The following CHRNA7 variants were observed in gnomAD, a reference collection of about 807,000 sequenced individuals.
The protein encoded by CHRNA7 is neuronal acetylcholine receptor subunit alpha-7.
Under a neutral mutation model 48.0 loss-of-function variants are expected in CHRNA7, and 17 were observed. The ratio of observed to expected loss-of-function variants is 0.35; its 90% CI spans 0.24 to 0.53. The LOEUF is 0.53. Among genes scored for constraint, CHRNA7 ranks in the 20% least tolerant of loss-of-function variants. The pLI is 0.92. For synonymous variants in CHRNA7, 75 were observed against 242.3 expected (o/e 0.31, Z 6.41); for missense variants, 155 against 577.7 (o/e 0.27, Z 7.50).
At chr15:32,152,539 C>T (rs2051652990) in intron 4 of CHRNA7, among the ~76,000 whole-genome samples, 1 of 152,176 alleles carries the variant, frequency 6.6e-6, no homozygotes, top group Non-Finnish European at 1.5e-5. Flanking sequence ...CAAGGGCCGT[C>T]CTTCATTGTG....
In CHRNA7 at chr15:32,094,837, T is replaced by C. The variant is rs542424175; in HGVS notation, c.196-6466T>C. 1.9e-3 allele frequency among the ~76,000 whole-genome samples: 294 copies of C among 152,302 alleles called. 1 individual carries two copies. The highest frequency in any genetic ancestry group is 0.012 in the South Asian group (59 of 4,820). ...CACCGCGCCTGGCTAATTTTTTGTATTTTTATTAGAGACGGGGTTTCACCA... is the reference window on the plus strand; with the variant it reads ...CACCGCGCCTGGCTAATTTTTTGTACTTTTATTAGAGACGGGGTTTCACCA... On this transcript the variant is annotated intron_variant, in intron 2 of 9. Coordinates refer to ENST00000306901, the MANE Select transcript of CHRNA7 (RefSeq NM_000746.6).
At chr15:32,041,905 T>C (rs2049456408) in intron 2 of CHRNA7, among the ~76,000 whole-genome samples, 1 of 152,220 alleles carries the variant, frequency 6.6e-6, no homozygotes, top group Admixed American at 6.5e-5. Flanking sequence ...TGTTCTTGCA[T>C]GATGTCTGCT....
chr15:32,083,932 C>G (rs533927943), intron 2 of CHRNA7, among the ~76,000 whole-genome samples: 2 of 152,210 alleles, frequency 1.3e-5, no homozygotes, highest in South Asian at 4.2e-4. Flanking sequence ...TATGAATGGT[C>G]TGTATTTGAT....
chr15:32,113,388 T>C (rs1306780250), intron 4 of CHRNA7, among the ~76,000 whole-genome samples: 3 of 152,196 alleles, frequency 2.0e-5, no homozygotes, highest in Non-Finnish European at 4.4e-5. Context: ...AGCCACACTC[T>C]GAGGCACCAG....
chr15:32,083,788 T>C (rs560759929), intron 2 of CHRNA7, among the ~76,000 whole-genome samples: 35 of 152,338 alleles, frequency 2.3e-4, no homozygotes, highest in African/African-American at 7.9e-4. Context: ...AACTATTTAA[T>C]CACTTAAATT....
At chr15:32,036,527 T>G (rs1902096265) in intron 2 of CHRNA7, among the ~76,000 whole-genome samples, 1 of 152,202 alleles carries the variant, frequency 6.6e-6, no homozygotes, top group Non-Finnish European at 1.5e-5. Flanking sequence ...CCAAAGTGGA[T>G]GTACCATTTT....
intron 2 of CHRNA7, among the ~76,000 whole-genome samples, chr15:32,044,253 C>CTCCTTCCTTCCTTCCT (rs10638387): frequency 0.27 from 37,737 of 140,682 alleles, 5,836 homozygotes; most frequent in East Asian, 0.48. Context: ...CGATCTTTTC[C>CTCCTTCCTTCCTTCCT]TCCTTCCTTC....
At chr15:32,105,334 C>T (rs1049300721) in intron 3 of CHRNA7, among the ~76,000 whole-genome samples, 4 of 148,674 alleles carry the variant, frequency 2.7e-5, no homozygotes, top group African/African-American at 7.5e-5. Context: ...AAGAAGGAGG[C>T]GGAGGAGAAG....
intron 4 of CHRNA7, among the ~76,000 whole-genome samples, chr15:32,130,545 TTA>T (rs548879077): frequency 6.7e-6 from 1 of 149,840 alleles, no homozygotes. Context: ...TATATATATA[TTA>T]TATATATATA....
intron 4 of CHRNA7, among the ~76,000 whole-genome samples, chr15:32,131,305 T>C (rs1203641451): frequency 1.3e-5 from 2 of 152,194 alleles, no homozygotes; most frequent in Non-Finnish European, 2.9e-5. Context: ...GAGACTCTCA[T>C]GACACAAATA....
intron 2 of CHRNA7, among the ~76,000 whole-genome samples, chr15:32,064,405 T>G (rs1291630587): frequency 2.0e-5 from 3 of 152,146 alleles, no homozygotes; most frequent in African/African-American, 7.2e-5. Context: ...TATCTGTTGT[T>G]TATTTTGGTC....
intron 4 of CHRNA7, among the ~76,000 whole-genome samples, chr15:32,125,116 T>G (rs2051043372): frequency 1.3e-5 from 2 of 152,306 alleles, no homozygotes; most frequent in South Asian, 4.1e-4. Context: ...AAAAACACTA[T>G]CATTACTTCC....
At chr15:32,067,649 T>C (rs979337534) in intron 2 of CHRNA7, among the ~76,000 whole-genome samples, 8 of 152,246 alleles carry the variant, frequency 5.3e-5, no homozygotes, top group African/African-American at 1.7e-4. Context: ...ACTCTTTTTT[T>C]CTCCTCTCTG....
At chr15:32,047,876 A>C (rs1209362011) in intron 2 of CHRNA7, among the ~76,000 whole-genome samples, 1 of 152,166 alleles carries the variant, frequency 6.6e-6, no homozygotes, top group African/African-American at 2.4e-5. Flanking sequence ...AGTTTTTAGC[A>C]TGAAGGGTTG....
chr15:32,070,602 A>T (rs1432679783), intron 2 of CHRNA7, among the ~76,000 whole-genome samples: 3 of 143,606 alleles, frequency 2.1e-5, no homozygotes, highest in Non-Finnish European at 4.6e-5. Context: ...ATAGTTTAAC[A>T]TTCACATTTA....
intron 4 of CHRNA7, among the ~76,000 whole-genome samples, chr15:32,140,251 C>A (rs556970549): frequency 1.8e-4 from 28 of 152,312 alleles, no homozygotes; most frequent in African/African-American, 6.3e-4. Flanking sequence ...AGGACATGAA[C>A]TCATCCTTTT....
At chr15:32,034,136 A>G (rs550193278) in intron 2 of CHRNA7, among the ~76,000 whole-genome samples, 1 of 152,346 alleles carries the variant, frequency 6.6e-6, no homozygotes, top group African/African-American at 2.4e-5. Context: ...GCTAGAAAAC[A>G]TTGTGTTCAA....
chr15:32,120,011 C>A (rs778732538), intron 4 of CHRNA7, among the ~76,000 whole-genome samples: 5 of 152,220 alleles, frequency 3.3e-5, no homozygotes, highest in Non-Finnish European at 7.3e-5. Flanking sequence ...TGGTCTTCAG[C>A]ACCCTGGAGC....
chr15:32,041,247 T>C (rs889891035), intron 2 of CHRNA7, among the ~76,000 whole-genome samples: 1 of 152,196 alleles, frequency 6.6e-6, no homozygotes, highest in African/African-American at 2.4e-5. Flanking sequence ...ATACTTCTGT[T>C]CCTTTCTCTA....
Sources: allele counts gnomAD v4.1 joint callset (sites outside exome capture counted in the v4.1 genomes callset), GRCh38; gene constraint gnomAD v4.1.1; transcripts MANE v1.5; gene names NCBI Gene and HGNC (gene_info 2026-07-23, HGNC 2026-07-21).